MAD1L1: variants seen among roughly 807,000 people sequenced by gnomAD.
The protein encoded by MAD1L1 is mitotic spindle assembly checkpoint protein MAD1.
Under a neutral mutation model 96.9 loss-of-function variants are expected in MAD1L1, and 95 were observed. The observed-to-expected ratio is 0.98, with a 90% CI of 0.83 to 1.16. The LOEUF is 1.16. Ranked by LOEUF, MAD1L1 falls within the 50% of genes most tolerant of loss-of-function variation. The pLI is 0.00. For synonymous variants in MAD1L1, 473 were observed against 396.6 expected (o/e 1.19, Z -2.29); for missense variants, 1,007 against 954.4 (o/e 1.06, Z -0.73).
chr7:1,867,529 C>A (rs1784833966), intron 18 of MAD1L1, among the ~76,000 whole-genome samples: 1 of 152,244 alleles, frequency 6.6e-6, no homozygotes, highest in Admixed American at 6.5e-5. Flanking sequence ...CATCCCACTG[C>A]AGGTGTGCAG....
chr7:2,068,836 A>G (rs892188747), intron 12 of MAD1L1, among the ~76,000 whole-genome samples: 6 of 152,136 alleles, frequency 3.9e-5, no homozygotes, highest in Non-Finnish European at 8.8e-5. Context: ...CACAGTGTAA[A>G]TGGCATCACT....
At chr7:1,909,562 A>AC (rs1182791706) in intron 17 of MAD1L1, among the ~76,000 whole-genome samples, 2 of 151,704 alleles carry the variant, frequency 1.3e-5, no homozygotes, top group Non-Finnish European at 2.9e-5. Context: ...GCTGGCCGGG[A>AC]CCCCCCGGGA....
Position 2,116,569 on chromosome 7 carries a change from G to GC in MAD1L1, c.1073+32582_1073+32583insG, listed in dbSNP as rs1554377729. On this transcript the variant is annotated intron_variant, in intron 11 of 18. Coordinates refer to ENST00000265854, the MANE Select transcript of MAD1L1 (RefSeq NM_001013836.2). The stretch of plus-strand genomic sequence containing the variant: ...CCACACGTGGCAGGCCAGAGGGTTG[G>GC]GGGGGGGGGGGGCTCCTGTGTGTAC... 6.6e-5 allele frequency among the ~76,000 whole-genome samples: 5 copies of GC among 75,422 alleles called. No individual in the cohort carries two copies. The South Asian group carries it at 1.8e-3, about 27-fold the overall frequency. The allele number at this position is 75,422 out of a possible 152,430, so 49.5% of individuals were successfully genotyped here. A position where few individuals can be genotyped will look rare whatever the true frequency, so the allele number is the denominator to read the frequency against.
chr7:2,159,145 C>A (rs1206893728), intron 10 of MAD1L1, among the ~76,000 whole-genome samples: 1 of 152,232 alleles, frequency 6.6e-6, no homozygotes, highest in Non-Finnish European at 1.5e-5. Flanking sequence ...CCAGCCCCAT[C>A]CATAAGCCCA....
chr7:2,029,321 T>C (rs1783114995), intron 12 of MAD1L1, among the ~76,000 whole-genome samples: 1 of 152,172 alleles, frequency 6.6e-6, no homozygotes, highest in Non-Finnish European at 1.5e-5. Flanking sequence ...CACGAAAGAT[T>C]ACACGCTGCA....
intron 17 of MAD1L1, among the ~76,000 whole-genome samples, chr7:1,934,129 C>G (rs1056621887): frequency 6.6e-6 from 1 of 152,230 alleles, no homozygotes; most frequent in African/African-American, 2.4e-5. Context: ...GGGGCCTGGA[C>G]GCCCGACCCA....
Position 1,938,840 on chromosome 7 carries a change from G to GCACACACA in MAD1L1, c.1597-1951_1597-1944dup, listed in dbSNP as rs72439038. 2.8e-3 allele frequency among the ~76,000 whole-genome samples: 255 copies of GCACACACA among 91,006 alleles called. 6 individuals are homozygous for GCACACACA. The highest frequency in any genetic ancestry group is 0.011 in the African/African-American group (234 of 20,606). 59.7% of individuals were successfully genotyped at this position (91,006 alleles called of 152,430 possible). A position where few individuals can be genotyped will look rare whatever the true frequency, so the allele number is the denominator to read the frequency against. ...ACACGGGCCAGGGCCGGGGCCAGAG[G>GCACACACA]CACACACACACACACACACACACAC... On this transcript the variant is annotated intron_variant, in intron 16 of 18. Coordinates refer to ENST00000265854, the MANE Select transcript of MAD1L1 (RefSeq NM_001013836.2).
chr7:1,865,932 C>T (rs1784757522), intron 18 of MAD1L1, among the ~76,000 whole-genome samples: 1 of 152,246 alleles, frequency 6.6e-6, no homozygotes, highest in African/African-American at 2.4e-5. Flanking sequence ...ACAAGCCTGC[C>T]AGCGTGACAG....
intron 17 of MAD1L1, among the ~76,000 whole-genome samples, chr7:1,922,466 T>C (rs1176866249): frequency 1.3e-5 from 2 of 152,230 alleles, no homozygotes; most frequent in African/African-American, 4.8e-5. Flanking sequence ...CACACGGACA[T>C]ATTTCTCATA....
intron 18 of MAD1L1, among the ~76,000 whole-genome samples, chr7:1,843,390 A>T (rs1783393903): frequency 6.6e-6 from 1 of 152,108 alleles, no homozygotes; most frequent in South Asian, 2.1e-4. Context: ...GGCCGCAATG[A>T]AGGCTGAACC....
At chr7:1,983,165 C>T (rs1222952202) in intron 14 of MAD1L1, among the ~76,000 whole-genome samples, 1 of 126,230 alleles carries the variant, frequency 7.9e-6, no homozygotes, top group South Asian at 2.1e-4. Context: ...CACACACACA[C>T]ACACACACAC....
At chr7:2,025,815 A>G (rs1782972083) in intron 12 of MAD1L1, among the ~76,000 whole-genome samples, 1 of 152,222 alleles carries the variant, frequency 6.6e-6, no homozygotes, top group African/African-American at 2.4e-5. Context: ...TTTGTTAAGT[A>G]TATAATAATA....
At chr7:1,832,630 T>TTTGGG (rs56664541) in intron 18 of MAD1L1, among the ~76,000 whole-genome samples, 71 of 2,346 alleles carry the variant, frequency 0.03, 3 homozygotes, top group Non-Finnish European at 0.045. Context: ...TTTTTTTTTT[T>TTTGGG]GGCGGGGGGG....
In MAD1L1 at chr7:2,216,202, A is replaced by G. The variant is rs1793266846; in HGVS notation, c.764T>C (p.Leu255Pro). The G allele has an allele frequency of 2.5e-6, 4 of 1,613,846 alleles. No individual in the cohort carries two copies. The highest frequency in any genetic ancestry group is 1.3e-5 in the African/African-American group (1 of 74,916). ...CCGCAGCTGCTTCAGCTCCCGTTCC[A>G]GCCTAGGGAGCCGTACCAGCTCAGA... ...MKSELVRLPR[L>P]ERELKQLREE... The change falls in exon 8 of 19, where the codon CTG becomes CCG. Residue 255 changes from leucine (L) to proline (P), a missense_variant. Coordinates refer to ENST00000265854, the MANE Select transcript of MAD1L1 (RefSeq NM_001013836.2).
At chr7:2,057,342 T>C (rs55775061) in intron 12 of MAD1L1, among the ~76,000 whole-genome samples, 20,011 of 152,058 alleles carry the variant, frequency 0.13, 1,904 homozygotes, top group African/African-American at 0.26. Flanking sequence ...CGTGGCAAAA[T>C]CCATCCCTAC....
intron 12 of MAD1L1, among the ~76,000 whole-genome samples, chr7:2,020,766 T>C: frequency 6.6e-6 from 1 of 152,008 alleles, no homozygotes; most frequent in East Asian, 1.9e-4. Context: ...AGAATACTTT[T>C]TTTTTTTTTT....
chr7:2,228,247 G>A (rs1442338860), intron 3 of MAD1L1, among the ~76,000 whole-genome samples: 2 of 152,054 alleles, frequency 1.3e-5, no homozygotes, highest in African/African-American at 4.8e-5. Flanking sequence ...AGAGGTCCCA[G>A]ACATTCGCAA....
chr7:2,034,815 G>A (rs1783393617), intron 12 of MAD1L1, among the ~76,000 whole-genome samples: 1 of 152,238 alleles, frequency 6.6e-6, no homozygotes, highest in African/African-American at 2.4e-5. Flanking sequence ...TGTTCTTGGT[G>A]CTACCTCTGG....
At chr7:1,872,831 G>C (rs1164587866) in intron 18 of MAD1L1, 1 of 152,248 alleles carries the variant, frequency 6.6e-6, no homozygotes, top group Non-Finnish European at 1.5e-5. Context: ...TCCACAGTGA[G>C]GATCGTTCTG....
Sources: allele counts gnomAD v4.1 joint callset (sites outside exome capture counted in the v4.1 genomes callset), GRCh38; gene constraint gnomAD v4.1.1; transcripts MANE v1.5; gene names NCBI Gene and HGNC (gene_info 2026-07-23, HGNC 2026-07-21).